Variants in TBL3 observed in about 807,000 individuals in gnomAD.
The protein encoded by TBL3 is transducin beta like 3, also known as transducin beta-like protein 3.
Under a neutral mutation model 102.7 loss-of-function variants are expected in TBL3, and 71 were observed. The ratio of observed to expected loss-of-function variants is 0.69; its 90% CI spans 0.57 to 0.84. TBL3 has a LOEUF of 0.84. Among genes scored for constraint, TBL3 ranks in the 40% least tolerant of loss-of-function variants. The pLI, the probability that TBL3 is intolerant of heterozygous loss-of-function variation, is 0.00. For missense variants in TBL3, 1,188 were observed against 1,098.5 expected (o/e 1.08, Z -1.15); for synonymous variants, 578 against 477.7 (o/e 1.21, Z -2.74).
intron 13 of TBL3, 128 bp downstream of exon 13, chr16:1,976,442 A>C (rs34593003): frequency 1.3e-6 from 1 of 795,250 alleles, no homozygotes; most frequent in East Asian, 2.7e-5. Flanking sequence ...CAGCCCAAAG[A>C]TGTGGAACAG....
At position 1,976,288 on chromosome 16, in the gene TBL3, C is replaced by G. The variant is rs1416215363; in HGVS notation, c.1266C>G (p.His422Gln). The part of the protein sequence containing the change: ...MCVAQGSGHT[H>Q]SVGTVCCSRL... Reference sequence around the variant, plus strand: ...TGGCTCAGGGTTCCGGTCACACACACAGTGTGGGCACCGTCTGCTGCTCTA... The same window carrying G: ...TGGCTCAGGGTTCCGGTCACACACAGAGTGTGGGCACCGTCTGCTGCTCTA... The change falls in exon 13 of 22, where the codon CAC becomes CAG. Residue 422 changes from histidine to glutamine, a missense_variant. Transcript: ENST00000568546. 1 of 1,613,812 alleles carries G rather than the reference C, an allele frequency of 6.2e-7. No homozygotes were observed. Among genetic ancestry groups the G allele is most frequent in the South Asian group, 1.1e-5 (1 of 91,066 alleles).
Position 1,978,980 on chromosome 16 carries a change from G to C in TBL3, c.*295G>C, listed in dbSNP as rs888641568. 19 of 1,409,028 alleles carry C rather than the reference G, an allele frequency of 1.3e-5. No individual in the cohort carries two copies. Among genetic ancestry groups the C allele is most frequent in the Non-Finnish European group, 1.7e-5 (18 of 1,055,814 alleles). The allele number at this position is 1,409,028 out of a possible 1,614,324, so 87.3% of individuals were successfully genotyped here. ...GCCCCCTCCCATCCCTGCTGGCCAGGGAGATCCGCCCTCCCCGCTCCTCCC... is the reference window on the plus strand; with the variant it reads ...GCCCCCTCCCATCCCTGCTGGCCAGCGAGATCCGCCCTCCCCGCTCCTCCC... On this transcript the variant is annotated 3_prime_UTR_variant, in exon 22 of 22. Coordinates refer to ENST00000568546, the MANE Select transcript of TBL3 (RefSeq NM_006453.3).
chr16:1,975,150 G>A (rs1173404512), intron 7 of TBL3, 37 bp from the exon 8 acceptor site: 1 of 1,613,608 alleles, frequency 6.2e-7, no homozygotes, highest in Non-Finnish European at 8.5e-7. Context: ...GGGGGCTGAG[G>A]CTAAGACTTG....
intron 1 of TBL3, among the ~76,000 whole-genome samples, chr16:1,972,564 C>T (rs2083368215): frequency 6.6e-6 from 1 of 152,200 alleles, no homozygotes; most frequent in Admixed American, 6.5e-5. Context: ...GAGCAGTCGG[C>T]CTGGGGACCT....
At position 1,979,037 on chromosome 16, in the gene TBL3, T is replaced by A. The variant is rs1173297706; in HGVS notation, c.*352T>A. 1 of 1,539,678 alleles carries A rather than the reference T, an allele frequency of 6.5e-7. No individual in the cohort carries two copies. The highest frequency in any genetic ancestry group is 2.0e-5 in the Admixed American group (1 of 50,354). On this transcript the variant is annotated 3_prime_UTR_variant, in exon 22 of 22. Coordinates refer to ENST00000568546, the MANE Select transcript of TBL3 (RefSeq NM_006453.3). The stretch of plus-strand genomic sequence containing the variant: ...TGGGATGGCGCGGTCCATCCCCTCA[T>A]CGGGATCCTCGCGCTCACTGCTCCG...
chr16:1,976,984 G>C, intron 14 of TBL3, 23 bp downstream of exon 14: 1 of 1,613,572 alleles, frequency 6.2e-7, no homozygotes, highest in East Asian at 2.2e-5. Context: ...CCACTGGGGT[G>C]GGGGTGTGGC....
In TBL3 at chr16:1,979,657, C is replaced by T. The variant is rs942961174; in HGVS notation, c.*972C>T. On this transcript the variant is annotated 3_prime_UTR_variant, in exon 22 of 22. Coordinates refer to ENST00000568546, the MANE Select transcript of TBL3 (RefSeq NM_006453.3). ...GCTGACGGCGGGGCCGCTCTAAGAC[C>T]GGTTCGGGGCTTCCTCTAGGTGCGG... 5 of 1,202,534 alleles carry T rather than the reference C, an allele frequency of 4.2e-6. No homozygotes were observed. Among genetic ancestry groups the T allele is most frequent in the African/African-American group, 1.5e-5 (1 of 66,118 alleles). 74.5% of individuals were successfully genotyped at this position (1,202,534 alleles called of 1,614,324 possible). A position where few individuals can be genotyped will look rare whatever the true frequency, so the allele number is the denominator to read the frequency against.
intron 4 of TBL3, 26 bp from the exon 5 acceptor site, chr16:1,974,512 C>G (rs368423545): frequency 1.9e-6 from 3 of 1,588,678 alleles, no homozygotes; most frequent in East Asian, 2.2e-5. Context: ...ATTGCTGCCC[C>G]TCTGCTGACC....
chr16:1,975,483 G>A (rs371760764), intron 9 of TBL3, 45 bp downstream of exon 9: 1 of 1,606,180 alleles, frequency 6.2e-7, no homozygotes, highest in Non-Finnish European at 8.5e-7. Flanking sequence ...GCTGGGGAAG[G>A]CCTGTGGACC....
At position 1,974,185 on chromosome 16, in the gene TBL3, C is replaced by T. The variant is rs1415860678; in HGVS notation, c.94-12C>T. The T allele has an allele frequency of 4.5e-6, 7 of 1,572,078 alleles. No homozygotes were observed. In the Admixed American group the frequency reaches 1.1e-4, roughly 24 times the overall value. On this transcript the variant is annotated splice_polypyrimidine_tract_variant and intron_variant, in intron 2 of 21. Transcript: ENST00000568546. The stretch of plus-strand genomic sequence containing the variant: ...GCTGAATGTTGCCTGGCTGAGACCT[C>T]TCTGTCCCCAGCTGGACCAGACTGG...
rs577335873 is a variant in TBL3 at position 1,981,330 on chromosome 16, G to T, written c.*2645G>T. 5.5e-6 allele frequency: 8 copies of T among 1,445,174 alleles called. No individual in the cohort carries two copies. The highest frequency in any genetic ancestry group is 2.7e-5 in the Admixed American group (1 of 36,660). The allele number at this position is 1,445,174 out of a possible 1,614,324, so 89.5% of individuals were successfully genotyped here. A position where few individuals can be genotyped will look rare whatever the true frequency, so the allele number is the denominator to read the frequency against. On this transcript the variant is annotated 3_prime_UTR_variant, in exon 22 of 22. Transcript: ENST00000568546. ...GTGGGGTCCTTGTGGAGCCGCCCCA[G>T]CTGAGTCCTTTGCAGCTTTCTTGCT...
chr16:1,976,279 T>TCA lies in TBL3; in HGVS notation c.1266_1267dup (p.Ser423ThrfsTer11), dbSNP rs2083401292. 1.9e-6 allele frequency: 3 copies of TCA among 1,613,918 alleles called. No individual in the cohort carries two copies. The highest frequency in any genetic ancestry group is 2.5e-6 in the Non-Finnish European group (3 of 1,179,938). ...TGATGTGCGTGGCTCAGGGTTCCGG[T>TCA]CACACACACAGTGTGGGCACCGTCT... On this transcript the variant is annotated frameshift_variant, in exon 13 of 22. Coordinates refer to ENST00000568546, the MANE Select transcript of TBL3 (RefSeq NM_006453.3). LOFTEE classifies it high-confidence loss of function.
chr16:1,977,556 C>G lies in TBL3; in HGVS notation c.1785C>G (p.Asn595Lys). The change falls in exon 17 of 22, where the codon AAC becomes AAG. Residue 595 changes from asparagine (N) to lysine (K), a missense_variant. Physicochemically the swap from Asn to Lys is moderately conservative, Grantham distance 94. Transcript: ENST00000568546. ...GLVKLWTIKNNECVRTLDAHE... is the reference protein window; with the variant it reads ...GLVKLWTIKNKECVRTLDAHE... ...TGAAGCTCTGGACCATCAAGAACAA[C>G]GAGTGTGTGCGGACGCTGGATGCCC... 6.3e-7 allele frequency: 1 copy of G among 1,595,486 alleles called. No homozygotes were observed. The highest frequency in any genetic ancestry group is 1.3e-5 in the African/African-American group (1 of 74,608).
In TBL3 at chr16:1,978,076, CG is replaced by C. The variant is rs746766289; in HGVS notation, c.2062+21del. On this transcript the variant is annotated intron_variant, in intron 19 of 21. Coordinates refer to ENST00000568546, the MANE Select transcript of TBL3 (RefSeq NM_006453.3). ...TGTCATCCAGGGTCAGTGCCCACCC[CG>C]GGGGGCGAGGGGCTGGGTCTTCGGA... The C allele has an allele frequency of 3.1e-6, 5 of 1,604,110 alleles. No homozygotes were observed. Among genetic ancestry groups the C allele is most frequent in the Non-Finnish European group, 3.4e-6 (4 of 1,174,572 alleles).
At chr16:1,978,110 G>T (rs745962879) in intron 19 of TBL3, 39 bp from the exon 20 acceptor site, 1 of 1,611,184 alleles carries the variant, frequency 6.2e-7, no homozygotes, top group Non-Finnish European at 8.5e-7. Flanking sequence ...GGACCACTGG[G>T]CTCTGCTTTC....
In TBL3 at chr16:1,974,822, T is replaced by C; in HGVS notation, c.439T>C (p.Phe147Leu). 3 of 1,613,380 alleles carry C rather than the reference T, an allele frequency of 1.9e-6. No homozygotes were observed. The highest frequency in any genetic ancestry group is 2.5e-6 in the Non-Finnish European group (3 of 1,179,974). The change falls in exon 6 of 22, where the codon TTC becomes CTC. Residue 147 changes from phenylalanine (F) to leucine (L), a missense_variant. Transcript: ENST00000568546. ...CGTGCGGCACTACGGGACACACCACTTCCGAGGCTCGCCCGGTGTCGTGCA... is the reference window on the plus strand; with the variant it reads ...CGTGCGGCACTACGGGACACACCACCTCCGAGGCTCGCCCGGTGTCGTGCA... ...DIVRHYGTHH[F>L]RGSPGVVHLV... is the part of the protein sequence containing the mutation.
intron 1 of TBL3, among the ~76,000 whole-genome samples, 194 bp downstream of exon 1, chr16:1,972,399 C>T (rs953864143): frequency 3.3e-5 from 5 of 152,270 alleles, no homozygotes; most frequent in African/African-American, 1.2e-4. Context: ...GGGAGGACGG[C>T]GATCGGAGCC....
In TBL3 at chr16:1,975,455, C is replaced by T; in HGVS notation, c.805+17C>T. On this transcript the variant is annotated intron_variant, in intron 9 of 21. Transcript: ENST00000568546. Reference sequence around the variant, plus strand: ...GCGACCAAGGTGTGTTGGGCCGGGACATGGGCAGGCGGTAGGGGCTGGGGA... The same window carrying T: ...GCGACCAAGGTGTGTTGGGCCGGGATATGGGCAGGCGGTAGGGGCTGGGGA... 6.2e-7 allele frequency: 1 copy of T among 1,612,230 alleles called. No homozygotes were observed. The highest frequency in any genetic ancestry group is 8.5e-7 in the Non-Finnish European group (1 of 1,179,338).
chr16:1,978,349 ACTCGCGGCACTGCCACGAGG>A lies in TBL3; in HGVS notation c.2173_2192del (p.Ser725ProfsTer27). The A allele has an allele frequency of 1.9e-6, 3 of 1,611,054 alleles. No homozygotes were observed. The highest frequency in any genetic ancestry group is 2.5e-6 in the Non-Finnish European group (3 of 1,178,870). ...CGCTTCTGCGTCACGTGGAACACCA[ACTCGCGGCACTGCCACGAGG>A]CCCAGGCCGTGCTGGGTGTGCTCTT... is the stretch of plus-strand genomic sequence containing the variant. On this transcript the variant is annotated frameshift_variant, in exon 21 of 22. Coordinates refer to ENST00000568546, the MANE Select transcript of TBL3 (RefSeq NM_006453.3). LOFTEE classifies it high-confidence loss of function.
Sources: allele counts gnomAD v4.1 joint callset (sites outside exome capture counted in the v4.1 genomes callset), GRCh38; gene constraint gnomAD v4.1.1; transcripts MANE v1.5; gene names NCBI Gene and HGNC (gene_info 2026-07-23, HGNC 2026-07-21).